Variants in BRMS1L observed in about 807,000 individuals in gnomAD.
BRMS1L encodes the protein BRMS1 like transcriptional repressor.
A neutral mutation model predicts 50.3 loss-of-function variants in BRMS1L; 23 were observed. The observed-to-expected ratio is 0.46, with a 90% CI of 0.33 to 0.65. The LOEUF (loss-of-function observed/expected upper bound fraction) is 0.65. Among genes scored for constraint, BRMS1L ranks in the 30% least tolerant of loss-of-function variants. The pLI, the probability that BRMS1L is intolerant of heterozygous loss-of-function variation, is 0.02. For synonymous variants in BRMS1L, 114 were observed against 126.9 expected, an observed-to-expected ratio of 0.90 and a Z score of 0.69; for missense variants, 286 against 386.1, an observed-to-expected ratio of 0.74 and a Z score of 2.17.
chr14:35,861,602 C>T (rs972709315), intron 4 of BRMS1L, among the ~76,000 whole-genome samples: 9 of 152,272 alleles, frequency 5.9e-5, no homozygotes, highest in Middle Eastern at 3.4e-3. Context: ...TTCAGCTTTG[C>T]TTTCTCCTTA....
At chr14:35,860,053 TC>T (rs2078329959) in intron 4 of BRMS1L, among the ~76,000 whole-genome samples, 1 of 152,244 alleles carries the variant, frequency 6.6e-6, no homozygotes, top group South Asian at 2.1e-4. Flanking sequence ...ATAAATTTAA[TC>T]CTTTAGTCCA....
intron 4 of BRMS1L, among the ~76,000 whole-genome samples, chr14:35,842,683 CTG>C (rs2078082037): frequency 6.6e-6 from 1 of 152,090 alleles, no homozygotes; most frequent in Non-Finnish European, 1.5e-5. Context: ...AGGAGTATCT[CTG>C]TGGTGTTCTC....
intron 4 of BRMS1L, among the ~76,000 whole-genome samples, chr14:35,840,826 G>C (rs561621814): frequency 6.6e-6 from 1 of 151,748 alleles, no homozygotes; most frequent in South Asian, 2.1e-4. Flanking sequence ...TTTTTTGAAG[G>C]GTTTTTTTGA....
intron 1 of BRMS1L, among the ~76,000 whole-genome samples, chr14:35,831,131 G>A (rs1359039374): frequency 6.6e-6 from 1 of 151,690 alleles, no homozygotes; most frequent in Non-Finnish European, 1.5e-5. Flanking sequence ...GTAGAGATGG[G>A]GTCTTCCTCT....
Position 35,863,980 on chromosome 14 carries a change from T to C in BRMS1L, c.622+27T>C, listed in dbSNP as rs200820026. On this transcript the variant is annotated intron_variant, in intron 6 of 9. Transcript: ENST00000216807. The stretch of plus-strand genomic sequence containing the variant: ...TATCCTTTTCCAAATTTTCTGTTTT[T>C]TTTTCCTTGATGTGCGTTTTTCCAT... The C allele has an allele frequency of 6.3e-6, 10 of 1,597,540 alleles. No individual in the cohort carries two copies. In the Admixed American group the frequency reaches 1.3e-4, roughly 22 times the overall value.
intron 4 of BRMS1L, among the ~76,000 whole-genome samples, chr14:35,848,002 C>T (rs1373058777): frequency 2.6e-5 from 4 of 152,150 alleles, no homozygotes; most frequent in Non-Finnish European, 5.9e-5. Flanking sequence ...ATAAATGGTG[C>T]TGCAATGAAT....
intron 8 of BRMS1L, 67 bp from the exon 9 acceptor site, chr14:35,867,839 T>C (rs1594351690): frequency 1.4e-6 from 2 of 1,445,846 alleles, no homozygotes; most frequent in East Asian, 5.0e-5. Flanking sequence ...TAATTGTTAA[T>C]GTTCTGACCC....
chr14:35,860,329 G>C (rs899504555), intron 4 of BRMS1L, among the ~76,000 whole-genome samples: 3 of 151,866 alleles, frequency 2.0e-5, no homozygotes, highest in African/African-American at 7.3e-5. Flanking sequence ...TAGACAACGA[G>C]GTTTCACCAT....
At chr14:35,865,808 T>A (rs745693167) in intron 8 of BRMS1L, 47 bp downstream of exon 8, 14 of 1,534,868 alleles carry the variant, frequency 9.1e-6, no homozygotes, top group Admixed American at 1.9e-5. Context: ...TGGAGACTTG[T>A]TGAATCAGGG....
chr14:35,871,258 A>G lies in BRMS1L; in HGVS notation c.*781A>G, dbSNP rs562928394. ...ATATAAGTGGTGAACAATAACTGAC[A>G]GTATTGTGCTTGCTGTACATGTCTG... On this transcript the variant is annotated 3_prime_UTR_variant, in exon 10 of 10. Transcript: ENST00000216807. 1.8e-4 allele frequency: 28 copies of G among 152,756 alleles called. No individual in the cohort carries two copies. The highest frequency in any genetic ancestry group is 6.5e-4 in the African/African-American group (27 of 41,570). 9.5% of individuals were successfully genotyped at this position (152,756 alleles called of 1,614,324 possible). A position where few individuals can be genotyped will look rare whatever the true frequency, so the allele number is the denominator to read the frequency against.
chr14:35,851,379 A>G (rs1595670062), intron 4 of BRMS1L, among the ~76,000 whole-genome samples: 2 of 140,056 alleles, frequency 1.4e-5, no homozygotes, highest in Admixed American at 1.4e-4. Flanking sequence ...ACAAAAAAGC[A>G]TGCCAAAAAA....
At chr14:35,845,619 A>G (rs1281626555) in intron 4 of BRMS1L, among the ~76,000 whole-genome samples, 1 of 152,204 alleles carries the variant, frequency 6.6e-6, no homozygotes, top group Admixed American at 6.5e-5. Flanking sequence ...CTTTTATTTG[A>G]TTACAAGATT....
Position 35,826,447 on chromosome 14 carries a change from CGCGCCCTTCATTGAAGCG to C in BRMS1L, c.-66_-49del. On this transcript the variant is annotated 5_prime_UTR_variant, in exon 1 of 10. Coordinates refer to ENST00000216807, the MANE Select transcript of BRMS1L (RefSeq NM_032352.4). Reference sequence around the variant, plus strand: ...TGGCTGGGTGGGTTGGGGCGTTCCGCGCGCCCTTCATTGAAGCGGCGGTGGCCGGGCTGGGCGCCGGTA... The same window carrying C: ...TGGCTGGGTGGGTTGGGGCGTTCCGCGCGGTGGCCGGGCTGGGCGCCGGTA... The C allele has an allele frequency of 6.5e-7, 1 of 1,544,672 alleles. No individual in the cohort carries two copies. The highest frequency in any genetic ancestry group is 8.7e-7 in the Non-Finnish European group (1 of 1,145,214).
rs899058359 is a variant in BRMS1L, at chr14:35,871,939, A to G, written c.*1462A>G. On this transcript the variant is annotated 3_prime_UTR_variant, in exon 10 of 10. Transcript: ENST00000216807. ...ATTTGTATTTTTAAATTTAGTATAT[A>G]ATAAAAAGATGTGTTTCAGTGTGAT... 2 of 152,254 alleles carry G rather than the reference A, an allele frequency of 1.3e-5. No individual in the cohort carries two copies. The highest frequency in any genetic ancestry group is 4.8e-5 in the African/African-American group (2 of 41,460). 9.4% of individuals were successfully genotyped at this position (152,254 alleles called of 1,614,324 possible). A position where few individuals can be genotyped will look rare whatever the true frequency, so the allele number is the denominator to read the frequency against.
intron 1 of BRMS1L, among the ~76,000 whole-genome samples, chr14:35,829,474 G>A (rs2077890419): frequency 6.6e-6 from 1 of 152,152 alleles, no homozygotes; most frequent in Admixed American, 6.5e-5. Flanking sequence ...AATTTTAAGT[G>A]CAAAGAAATT....
At chr14:35,828,459 A>G (rs975762924) in intron 1 of BRMS1L, among the ~76,000 whole-genome samples, 6 of 139,344 alleles carry the variant, frequency 4.3e-5, no homozygotes, top group South Asian at 2.2e-4. Context: ...GGCATGAGCT[A>G]CCATTCCCAG....
chr14:35,846,988 A>T (rs115035285), intron 4 of BRMS1L, among the ~76,000 whole-genome samples: 4,285 of 152,082 alleles, frequency 0.028, 152 homozygotes, highest in African/African-American at 0.081. Context: ...AACACAAAAA[A>T]ATAAAACGCA....
At chr14:35,833,218 C>T (rs1261220633) in intron 3 of BRMS1L, 113 bp downstream of exon 3, 77 of 1,085,988 alleles carry the variant, frequency 7.1e-5, no homozygotes, top group Non-Finnish European at 9.2e-5. Context: ...ATATTTACAT[C>T]GACCAGAATA....
intron 4 of BRMS1L, among the ~76,000 whole-genome samples, chr14:35,839,913 A>T (rs1477643402): frequency 6.6e-6 from 1 of 152,186 alleles, no homozygotes; most frequent in African/African-American, 2.4e-5. Flanking sequence ...TATGTCGAAT[A>T]CGAGTGGTGA....
Sources: gnomAD v4.1 joint callset for allele counts (sites outside exome capture counted in the v4.1 genomes callset) on GRCh38, gnomAD v4.1.1 for gene constraint, MANE v1.5 for transcripts, NCBI Gene and HGNC (gene_info 2026-07-23, HGNC 2026-07-21) for gene names.